The following ZNF407 variants were observed in gnomAD, a reference collection of about 807,000 sequenced individuals.
ZNF407 encodes the protein zinc finger protein 407.
Under a neutral mutation model 131.2 loss-of-function variants are expected in ZNF407, and 17 were observed. That is an observed-to-expected ratio of 0.13 (90% CI 0.09 to 0.19). ZNF407 has a LOEUF of 0.19. Among genes scored for constraint, ZNF407 ranks in the 10% least tolerant of loss-of-function variants. The pLI is 1.00. For synonymous variants in ZNF407, 1,156 were observed against 1,062.0 expected (o/e 1.09, Z -1.72); for missense variants, 2,681 against 2,830.6 (o/e 0.95, Z 1.20).
At chr18:74,906,723 G>A (rs919231081) in intron 7 of ZNF407, among the ~76,000 whole-genome samples, 2 of 151,484 alleles carry the variant, frequency 1.3e-5, no homozygotes, top group African/African-American at 2.4e-5. Flanking sequence ...ATATGTATGT[G>A]CATATATTTC....
intron 3 of ZNF407, among the ~76,000 whole-genome samples, chr18:74,660,594 TTTAA>T (rs1985672771): frequency 1.3e-5 from 2 of 152,112 alleles, no homozygotes; most frequent in Admixed American, 6.5e-5. Context: ...GACTTAGAAG[TTTAA>T]TTGTCTCCAA....
intron 3 of ZNF407, among the ~76,000 whole-genome samples, chr18:74,769,107 C>T (rs904236089): frequency 2.0e-5 from 3 of 152,132 alleles, no homozygotes; most frequent in Non-Finnish European, 2.9e-5. Context: ...CTCATTTAAT[C>T]TTCATAGCAA....
intron 4 of ZNF407, among the ~76,000 whole-genome samples, chr18:74,851,619 A>G (rs1970784756): frequency 6.6e-6 from 1 of 152,228 alleles, no homozygotes; most frequent in South Asian, 2.1e-4. Context: ...TAATTAGTGC[A>G]GCTGCAGTCA....
chr18:75,003,006 C>T (rs1371004678), intron 8 of ZNF407, among the ~76,000 whole-genome samples: 1 of 152,194 alleles, frequency 6.6e-6, no homozygotes, highest in Non-Finnish European at 1.5e-5. Flanking sequence ...CCATATCACA[C>T]TTCATGCTTG....
intron 3 of ZNF407, among the ~76,000 whole-genome samples, chr18:74,715,803 TA>T (rs1379068752): frequency 6.6e-6 from 1 of 152,204 alleles, no homozygotes; most frequent in Non-Finnish European, 1.5e-5. Context: ...TGCCAAGCTC[TA>T]AAAAAATCAA....
chr18:74,915,673 G>T (rs1390742756), intron 7 of ZNF407, among the ~76,000 whole-genome samples: 2 of 81,250 alleles, frequency 2.5e-5, no homozygotes, highest in Non-Finnish European at 4.7e-5. Context: ...GAGGTTGTAT[G>T]CAGCATTGGT....
intron 8 of ZNF407, among the ~76,000 whole-genome samples, chr18:75,041,379 C>T (rs1262335759): frequency 6.6e-6 from 1 of 152,134 alleles, no homozygotes; most frequent in Admixed American, 6.5e-5. Context: ...CTTTCTTCAA[C>T]CATAAAAGAG....
intron 8 of ZNF407, among the ~76,000 whole-genome samples, chr18:74,931,636 A>G (rs1284836761): frequency 6.6e-6 from 1 of 152,134 alleles, no homozygotes; most frequent in Non-Finnish European, 1.5e-5. Flanking sequence ...TGCCTGGATT[A>G]TATGGTATAT....
chr18:74,611,992 C>T (rs909435133), intron 1 of ZNF407, among the ~76,000 whole-genome samples: 1 of 152,096 alleles, frequency 6.6e-6, no homozygotes, highest in Admixed American at 6.6e-5. Flanking sequence ...GAGCAATGTC[C>T]ATCAGAGGAG....
At chr18:75,020,644 A>G (rs1218012899) in intron 8 of ZNF407, among the ~76,000 whole-genome samples, 1 of 152,206 alleles carries the variant, frequency 6.6e-6, no homozygotes, top group Non-Finnish European at 1.5e-5. Context: ...TATTAGAGCT[A>G]TAATCAATTA....
chr18:74,634,094 T>C lies in ZNF407; in HGVS notation c.3075T>C (p.Ser1025=), dbSNP rs78076450. 5,978 of 1,614,054 alleles carry C rather than the reference T, an allele frequency of 3.7e-3. 172 individuals are homozygous for C. The Admixed American group carries it at 0.063, about 17-fold the overall frequency. The change falls in exon 2 of 9, where the codon AGT becomes AGC. Residue 1025 remains serine (S), a synonymous_variant. Transcript: ENST00000299687. ...GENKCLHCEF[S]AHSSASLELH... is the part of the protein sequence containing the mutation. ...ATAAGTGTTTGCACTGTGAGTTTAG[T>C]GCTCACTCCTCTGCTTCTCTAGAGC... is the stretch of plus-strand genomic sequence containing the variant.
rs144841415 is a variant in ZNF407, at chr18:74,685,611, C to T, written c.4802+44489C>T. On this transcript the variant is annotated intron_variant, in intron 3 of 8. Coordinates refer to ENST00000299687, the MANE Select transcript of ZNF407 (RefSeq NM_017757.3). ...TGCCCCTGACTATTCCGGCTGTTCT[C>T]CCGGGACACCCCACCTCACTCACTC... Among the ~76,000 whole-genome samples, 164 of 152,320 alleles carry T rather than the reference C, an allele frequency of 1.1e-3. 3 individuals are homozygous for T. In the East Asian group the frequency reaches 0.03, roughly 28 times the overall value.
intron 8 of ZNF407, among the ~76,000 whole-genome samples, chr18:75,053,418 C>G (rs1166854236): frequency 2.0e-5 from 3 of 152,210 alleles, no homozygotes; most frequent in Non-Finnish European, 4.4e-5. Flanking sequence ...CGGATACTGC[C>G]TCACCAAGCT....
rs76653520 is a variant in ZNF407 at position 74,635,874 on chromosome 18, T to A, written c.4687+168T>A. 0.014 allele frequency among the ~76,000 whole-genome samples: 2,181 copies of A among 152,230 alleles called. 38 individuals are homozygous for A. The highest frequency in any genetic ancestry group is 0.056 in the Admixed American group (853 of 15,284). On this transcript the variant is annotated intron_variant, in intron 2 of 8. Coordinates refer to ENST00000299687, the MANE Select transcript of ZNF407 (RefSeq NM_017757.3). The surrounding 1 kb of genome is among the most constrained non-coding windows in gnomAD (Gnocchi z 4.7). Reference sequence around the variant, plus strand: ...ATAAGTCATTGTTGACACTTAACATTTTTAAGGGTAATTAAGCCCTAGTGA... The same window carrying A: ...ATAAGTCATTGTTGACACTTAACATATTTAAGGGTAATTAAGCCCTAGTGA...
At chr18:74,736,221 T>C (rs1968408413) in intron 3 of ZNF407, among the ~76,000 whole-genome samples, 1 of 152,204 alleles carries the variant, frequency 6.6e-6, no homozygotes, top group Non-Finnish European at 1.5e-5. Context: ...GAGAGCTTGC[T>C]GTGTTTTGCA....
intron 3 of ZNF407, among the ~76,000 whole-genome samples, chr18:74,739,218 A>G (rs190724631): frequency 6.6e-6 from 1 of 151,392 alleles, no homozygotes; most frequent in East Asian, 1.9e-4. Context: ...ATAGATGTGT[A>G]TTTGAATTTA....
chr18:74,631,988 G>T lies in ZNF407; in HGVS notation c.969G>T (p.Val323=). 1 of 1,613,936 alleles carries T rather than the reference G, an allele frequency of 6.2e-7. No homozygotes were observed. The highest frequency in any genetic ancestry group is 8.5e-7 in the Non-Finnish European group (1 of 1,179,894). The change falls in exon 2 of 9, where the codon GTG becomes GTT. Residue 323 remains valine (V), a synonymous_variant. Transcript: ENST00000299687. Reference sequence around the variant, plus strand: ...GTGATTCAAAAGGATTACGAAATGTGGGAAGCACGTTTAAAGATTTCAGAG... The same window carrying T: ...GTGATTCAAAAGGATTACGAAATGTTGGAAGCACGTTTAAAGATTTCAGAG... The part of the protein sequence containing the change: ...KNSDSKGLRN[V]GSTFKDFRGS...
At chr18:74,821,409 A>G (rs757747799) in intron 4 of ZNF407, among the ~76,000 whole-genome samples, 19 of 151,956 alleles carry the variant, frequency 1.3e-4, no homozygotes, top group East Asian at 2.0e-4. Context: ...TCCTAATGCT[A>G]TCCCTCCCCT....
At chr18:74,998,471 T>C (rs1340100597) in intron 8 of ZNF407, among the ~76,000 whole-genome samples, 1 of 152,226 alleles carries the variant, frequency 6.6e-6, no homozygotes, top group African/African-American at 2.4e-5. Flanking sequence ...GCTTTCTTTC[T>C]TTCACATAGA....
Sources: allele counts gnomAD v4.1 joint callset (sites outside exome capture counted in the v4.1 genomes callset), GRCh38; gene constraint gnomAD v4.1.1; non-coding constraint Gnocchi (gnomAD v3.1); transcripts MANE v1.5; gene names NCBI Gene and HGNC (gene_info 2026-07-23, HGNC 2026-07-21).